C3orf70: variants seen among roughly 807,000 people sequenced by gnomAD.
C3orf70 encodes UPF0524 protein C3orf70.
In C3orf70, 15 loss-of-function variants were observed where a neutral mutation model predicts 20.7. The ratio of observed to expected loss-of-function variants is 0.72; its 90% confidence interval spans 0.48 to 1.11. C3orf70 has a LOEUF of 1.11. Ranked by LOEUF, C3orf70 falls within the 50% of genes most tolerant of loss-of-function variation. The probability of loss-of-function intolerance (pLI) is 0.00; values close to 1 mark genes in which losing one functional copy is unlikely to be tolerated. For synonymous variants in C3orf70, 161 were observed against 125.7 expected (o/e 1.28, Z -1.88); for missense variants, 332 against 317.6 (o/e 1.05, Z -0.34).
chr3:185,087,714 A>G (rs552202635), intron 1 of C3orf70, among the ~76,000 whole-genome samples: 1 of 152,218 alleles, frequency 6.6e-6, no homozygotes, highest in South Asian at 2.1e-4. Flanking sequence ...TTACAAGATG[A>G]AAAGAGATGT....
Position 185,077,617 on chromosome 3 carries a change from C to T in C3orf70, c.*5390G>A, listed in dbSNP as rs536206357. Among the ~76,000 whole-genome samples, 2 of 152,076 alleles carry T rather than the reference C, an allele frequency of 1.3e-5. No individual in the cohort carries two copies. Among genetic ancestry groups the T allele is most frequent in the Non-Finnish European group, 2.9e-5 (2 of 68,014 alleles). On this transcript the variant is annotated 3_prime_UTR_variant, in exon 2 of 2. Coordinates refer to ENST00000335012, the MANE Select transcript of C3orf70 (RefSeq NM_001025266.3). Reference sequence around the variant, plus strand: ...TGAGTATGGACTTGCCGCGCTGAGGCCTGGCCCCTGAGTCTTGGTGACCAA... The same window carrying T: ...TGAGTATGGACTTGCCGCGCTGAGGTCTGGCCCCTGAGTCTTGGTGACCAA...
intron 1 of C3orf70, among the ~76,000 whole-genome samples, chr3:185,091,853 TATGTA>T (rs1026314262): frequency 7.5e-6 from 1 of 134,038 alleles, no homozygotes; most frequent in African/African-American, 2.9e-5. Flanking sequence ...CCCAGCTATA[TATGTA>T]TTATATTATA....
chr3:185,113,605 A>G (rs1716120680), intron 1 of C3orf70, among the ~76,000 whole-genome samples: 1 of 152,256 alleles, frequency 6.6e-6, no homozygotes, highest in African/African-American at 2.4e-5. Context: ...CATTAGTCTT[A>G]GGGCTTCTAT....
At chr3:185,121,563 G>C (rs1223033785) in intron 1 of C3orf70, among the ~76,000 whole-genome samples, 1 of 152,050 alleles carries the variant, frequency 6.6e-6, no homozygotes, top group African/African-American at 2.4e-5. Context: ...AGAGACAATA[G>C]CAAGAACAAT....
At chr3:185,150,049 G>A (rs1181493232) in intron 1 of C3orf70, among the ~76,000 whole-genome samples, 2 of 151,936 alleles carry the variant, frequency 1.3e-5, no homozygotes, top group Non-Finnish European at 2.9e-5. Context: ...GTACAGATAG[G>A]TCACAGATCA....
At chr3:185,083,670 C>A in intron 1 of C3orf70, 107 bp from the exon 2 acceptor site, 3 of 885,234 alleles carry the variant, frequency 3.4e-6, no homozygotes, top group Non-Finnish European at 1.6e-6. Flanking sequence ...TTCAGTAACA[C>A]CTCAAAAGAA....
rs536206357 is a variant in C3orf70 at position 185,077,617 on chromosome 3, C to A, written c.*5390G>T. On this transcript the variant is annotated 3_prime_UTR_variant, in exon 2 of 2. Transcript: ENST00000335012. ...TGAGTATGGACTTGCCGCGCTGAGG[C>A]CTGGCCCCTGAGTCTTGGTGACCAA... Among the ~76,000 whole-genome samples, 2 of 152,194 alleles carry A rather than the reference C, an allele frequency of 1.3e-5. No individual in the cohort carries two copies. Among genetic ancestry groups the A allele is most frequent in the African/African-American group, 4.8e-5 (2 of 41,518 alleles).
At chr3:185,138,115 CAACTCTACAAGCATAAAT>C (rs1350585012) in intron 1 of C3orf70, among the ~76,000 whole-genome samples, 111 of 152,232 alleles carry the variant, frequency 7.3e-4, no homozygotes, top group African/African-American at 2.6e-3. Flanking sequence ...CTACTATTAA[CAACTCTACAAGCATAAAT>C]TTGACAACTC....
intron 1 of C3orf70, among the ~76,000 whole-genome samples, chr3:185,115,768 G>A (rs947424761): frequency 2.6e-5 from 4 of 152,180 alleles, no homozygotes; most frequent in African/African-American, 9.7e-5. Context: ...TGGCATGGTT[G>A]GATGCTAGTG....
chr3:185,095,184 A>G (rs1169857575), intron 1 of C3orf70, among the ~76,000 whole-genome samples: 2 of 152,226 alleles, frequency 1.3e-5, no homozygotes, highest in Non-Finnish European at 2.9e-5. Context: ...TTATGAGACC[A>G]TCTCAGCCTC....
At chr3:185,147,287 AC>A in intron 1 of C3orf70, among the ~76,000 whole-genome samples, 1 of 152,150 alleles carries the variant, frequency 6.6e-6, no homozygotes, top group East Asian at 1.9e-4. Context: ...CCTACATCAT[AC>A]CACATCCACC....
At chr3:185,104,180 C>A (rs1715878706) in intron 1 of C3orf70, among the ~76,000 whole-genome samples, 1 of 152,206 alleles carries the variant, frequency 6.6e-6, no homozygotes, top group Non-Finnish European at 1.5e-5. Context: ...ACTTTCCCTC[C>A]AACCTCATCC....
chr3:185,145,474 T>TCAAA (rs10654869), intron 1 of C3orf70, among the ~76,000 whole-genome samples: 3 of 151,726 alleles, frequency 2.0e-5, no homozygotes, highest in Admixed American at 6.6e-5. Flanking sequence ...AAATACATTA[T>TCAAA]TGTTTTTGAA....
At chr3:185,139,776 T>C (rs190966773) in intron 1 of C3orf70, among the ~76,000 whole-genome samples, 19 of 152,158 alleles carry the variant, frequency 1.2e-4, no homozygotes, top group South Asian at 4.1e-4. Context: ...TGGACATCCA[T>C]AGGCAAAGAA....
chr3:185,112,074 G>A lies in C3orf70; in HGVS notation c.197-28511C>T, dbSNP rs576551288. ...GGGAGGCTGAGGCAGGTGGATCACC[G>A]GAGGTCAGGAGTTCGAGATCAGCCT... On this transcript the variant is annotated intron_variant, in intron 1 of 1. Coordinates refer to ENST00000335012, the MANE Select transcript of C3orf70 (RefSeq NM_001025266.3). Among the ~76,000 whole-genome samples, 116 of 152,006 alleles carry A rather than the reference G, an allele frequency of 7.6e-4. 4 individuals are homozygous for A. The South Asian group carries it at 0.014, about 19-fold the overall frequency.
intron 1 of C3orf70, among the ~76,000 whole-genome samples, chr3:185,116,365 A>G (rs1168500988): frequency 9.0e-6 from 1 of 111,574 alleles, no homozygotes; most frequent in Non-Finnish European, 1.9e-5. Flanking sequence ...AAAAACAAAT[A>G]TTATAGTACA....
intron 1 of C3orf70, among the ~76,000 whole-genome samples, chr3:185,108,969 A>G (rs939686739): frequency 6.6e-6 from 1 of 152,192 alleles, no homozygotes; most frequent in African/African-American, 2.4e-5. Context: ...TAAAACAGAC[A>G]ATGCCCCAGG....
chr3:185,105,152 C>T (rs1042790409), intron 1 of C3orf70, among the ~76,000 whole-genome samples: 1 of 152,208 alleles, frequency 6.6e-6, no homozygotes, highest in African/African-American at 2.4e-5. Context: ...CAACTGTATT[C>T]TATATGTTCA....
intron 1 of C3orf70, among the ~76,000 whole-genome samples, chr3:185,108,338 G>A (rs573052887): frequency 1.3e-5 from 2 of 152,298 alleles, no homozygotes; most frequent in East Asian, 1.9e-4. Context: ...AGCTGTAATT[G>A]AGGTATTGAC....
Sources: allele counts gnomAD v4.1 joint callset (sites outside exome capture counted in the v4.1 genomes callset), GRCh38; gene constraint gnomAD v4.1.1; transcripts MANE v1.5; gene names NCBI Gene and HGNC (gene_info 2026-07-23, HGNC 2026-07-21).